CDC42BPA: variants seen among roughly 807,000 people sequenced by gnomAD.
The protein encoded by CDC42BPA is serine/threonine-protein kinase MRCK alpha.
Under a neutral mutation model 223.5 loss-of-function variants are expected in CDC42BPA, and 80 were observed. The observed-to-expected ratio is 0.36, with a 90% CI of 0.30 to 0.43. CDC42BPA has a LOEUF of 0.43. Ranked by LOEUF, CDC42BPA falls within the 20% of genes least tolerant of loss-of-function variation. The pLI is 1.00. For synonymous variants in CDC42BPA, 694 were observed against 718.6 expected, an observed-to-expected ratio of 0.97 and a Z score of 0.55; for missense variants, 1,743 against 2,099.9, an observed-to-expected ratio of 0.83 and a Z score of 3.32.
intron 14 of CDC42BPA, among the ~76,000 whole-genome samples, chr1:227,103,897 G>A (rs1685461480): frequency 2.0e-5 from 3 of 151,990 alleles, no homozygotes; most frequent in Non-Finnish European, 2.9e-5. Flanking sequence ...TCTGAGAGAA[G>A]GACAAGCCAA....
At chr1:227,108,417 T>C (rs915574725) in intron 14 of CDC42BPA, among the ~76,000 whole-genome samples, 2 of 152,048 alleles carry the variant, frequency 1.3e-5, no homozygotes, top group Non-Finnish European at 2.9e-5. Flanking sequence ...AGGTTTTTTT[T>C]TTCCCTGTAA....
At chr1:227,067,817 T>TA (rs1029924327) in intron 21 of CDC42BPA, among the ~76,000 whole-genome samples, 15 of 152,108 alleles carry the variant, frequency 9.9e-5, no homozygotes, top group African/African-American at 3.6e-4. Flanking sequence ...AATAAAACAT[T>TA]AAAAAATCTC....
intron 6 of CDC42BPA, among the ~76,000 whole-genome samples, chr1:227,148,175 C>G (rs557587625): frequency 3.3e-5 from 5 of 152,208 alleles, no homozygotes; most frequent in Admixed American, 3.3e-4. Context: ...GTAATTAAAA[C>G]CAGGCATGGG....
At chr1:227,187,484 G>GA (rs56401083) in intron 5 of CDC42BPA, among the ~76,000 whole-genome samples, 6,203 of 138,244 alleles carry the variant, frequency 0.045, 216 homozygotes, top group South Asian at 0.12. Context: ...GAGAAGACTG[G>GA]AAAAAAAAAA....
intron 14 of CDC42BPA, among the ~76,000 whole-genome samples, chr1:227,111,404 T>C (rs1273877067): frequency 6.6e-6 from 1 of 152,220 alleles, no homozygotes; most frequent in Non-Finnish European, 1.5e-5. Context: ...ACACTTATAA[T>C]GTGTCAGCTT....
chr1:227,088,097 A>C (rs1308441313), intron 16 of CDC42BPA, among the ~76,000 whole-genome samples: 1 of 152,242 alleles, frequency 6.6e-6, no homozygotes, highest in Non-Finnish European at 1.5e-5. Context: ...CATTATTACC[A>C]AATAAAAGCA....
chr1:227,064,529 TA>T (rs1181135347), intron 21 of CDC42BPA, among the ~76,000 whole-genome samples: 1 of 151,994 alleles, frequency 6.6e-6, no homozygotes, highest in Non-Finnish European at 1.5e-5. Context: ...ATGAAGGGAA[TA>T]GATGGGGGAA....
chr1:227,048,106 T>A (rs1672825290), intron 22 of CDC42BPA, 96 bp from the exon 23 acceptor site: 3 of 661,384 alleles, frequency 4.5e-6, no homozygotes, highest in Non-Finnish European at 5.0e-6. Context: ...AAACAAAACA[T>A]CAATAAGGCA....
intron 3 of CDC42BPA, among the ~76,000 whole-genome samples, chr1:227,210,841 C>T (rs1673742547): frequency 6.6e-6 from 1 of 152,156 alleles, no homozygotes; most frequent in Non-Finnish European, 1.5e-5. Flanking sequence ...AGAAAGCCTA[C>T]CAGTCCAAGG....
intron 24 of CDC42BPA, among the ~76,000 whole-genome samples, chr1:227,036,951 T>C (rs961070714): frequency 6.6e-6 from 1 of 152,110 alleles, no homozygotes; most frequent in Non-Finnish European, 1.5e-5. Flanking sequence ...TGAGTCCCCA[T>C]AGCTTCATAA....
intron 1 of CDC42BPA, among the ~76,000 whole-genome samples, chr1:227,257,790 C>T (rs529175063): frequency 4.9e-4 from 73 of 150,090 alleles, no homozygotes; most frequent in Middle Eastern, 3.4e-3. Context: ...AAAAATCACA[C>T]GCAAGTTTGA....
chr1:227,147,576 T>G lies in CDC42BPA; in HGVS notation c.694-17A>C. On this transcript the variant is annotated splice_polypyrimidine_tract_variant and intron_variant, in intron 6 of 36. Transcript: ENST00000366766. ...GGACTGAACCTGAAGAAATTTACATTTTTATTAATCTCCTATATTAGAAAT... is the reference window on the plus strand; with the variant it reads ...GGACTGAACCTGAAGAAATTTACATGTTTATTAATCTCCTATATTAGAAAT... 6.8e-7 allele frequency: 1 copy of G among 1,461,396 alleles called. No homozygotes were observed. The highest frequency in any genetic ancestry group is 9.3e-7 in the Non-Finnish European group (1 of 1,070,214). 90.5% of individuals were successfully genotyped at this position (1,461,396 alleles called of 1,614,324 possible).
intron 10 of CDC42BPA, among the ~76,000 whole-genome samples, chr1:227,130,425 T>A (rs1323628126): frequency 6.6e-6 from 1 of 152,242 alleles, no homozygotes; most frequent in African/African-American, 2.4e-5. Flanking sequence ...TTCTTATACA[T>A]TTCTTTCTCT....
At position 227,147,371 on chromosome 1, in the gene CDC42BPA, G is replaced by T. The variant is rs748614166; in HGVS notation, c.882C>A (p.Ile294=). The T allele has an allele frequency of 6.2e-7, 1 of 1,610,504 alleles. No individual in the cohort carries two copies. The highest frequency in any genetic ancestry group is 2.2e-5 in the East Asian group (1 of 44,764). ...AESLVETYGK[I]MNHKERFQFP... ...AAAACATACTAACTTTGTGGTTCAT[G>T]ATTTTTCCGTATGTCTCCACCAGCG... Residue 294 remains isoleucine (I), a synonymous_variant, in exon 7 of 37, where the codon ATC becomes ATA. Coordinates refer to ENST00000366766, the MANE Select transcript of CDC42BPA (RefSeq NM_001394014.1).
chr1:227,128,892 T>C (rs972673351), intron 11 of CDC42BPA, among the ~76,000 whole-genome samples: 1 of 152,198 alleles, frequency 6.6e-6, no homozygotes. Context: ...TTTTTCCTGA[T>C]AGCCTTTTCA....
At chr1:227,297,930 ATTTTG>A (rs1356797656) in intron 1 of CDC42BPA, among the ~76,000 whole-genome samples, 1 of 138,806 alleles carries the variant, frequency 7.2e-6, no homozygotes, top group East Asian at 2.1e-4. Context: ...AAAATGGCAA[ATTTTG>A]TTTTATGTGT....
Position 227,030,428 on chromosome 1 carries a change from A to G in CDC42BPA, c.3818T>C (p.Val1273Ala). The change falls in exon 29 of 37, where the codon GTT becomes GCT. Residue 1273 changes from valine to alanine, a missense_variant. Val to Ala is a moderately conservative substitution (Grantham distance 64, BLOSUM62 0). Coordinates refer to ENST00000366766, the MANE Select transcript of CDC42BPA (RefSeq NM_001394014.1). ...IALGNEEGLF[V>A]VHVTKDEIIR... is the part of the protein sequence containing the mutation. ...CTTACCATCTTTGGTGACATGTACAACAAATAACCCTTCTTCGTTTCCCAA... is the reference window on the plus strand; with the variant it reads ...CTTACCATCTTTGGTGACATGTACAGCAAATAACCCTTCTTCGTTTCCCAA... 1.9e-6 allele frequency: 3 copies of G among 1,601,330 alleles called. No individual in the cohort carries two copies. Among genetic ancestry groups the G allele is most frequent in the Non-Finnish European group, 2.6e-6 (3 of 1,174,312 alleles).
At position 227,031,283 on chromosome 1, in the gene CDC42BPA, G is replaced by A. The variant is rs762731205; in HGVS notation, c.3775+15C>T. On this transcript the variant is annotated intron_variant, in intron 28 of 36. Coordinates refer to ENST00000366766, the MANE Select transcript of CDC42BPA (RefSeq NM_001394014.1). ...AAACAATGATAATAATATGATAAAT[G>A]TTATAAATTCATACCTATGATTGCG... 1 of 1,581,058 alleles carries A rather than the reference G, an allele frequency of 6.3e-7. No homozygotes were observed. The highest frequency in any genetic ancestry group is 1.1e-5 in the South Asian group (1 of 90,184).
chr1:227,004,769 C>T (rs1428744798), intron 35 of CDC42BPA: 5 of 610,860 alleles, frequency 8.2e-6, no homozygotes, highest in Middle Eastern at 4.6e-4. Flanking sequence ...TCATATTTGT[C>T]TGTCTCCCAG....
Sources: allele counts gnomAD v4.1 joint callset (sites outside exome capture counted in the v4.1 genomes callset), GRCh38; gene constraint gnomAD v4.1.1; transcripts MANE v1.5; gene names NCBI Gene and HGNC (gene_info 2026-07-23, HGNC 2026-07-21).